KDM5C: variants seen among roughly 807,000 people sequenced by gnomAD.
KDM5C encodes the protein lysine-specific demethylase 5C.
Under a neutral mutation model 110.6 loss-of-function variants are expected in KDM5C, and 16 were observed. The observed-to-expected ratio is 0.14, with a 90% CI of 0.10 to 0.22. The LOEUF is 0.22. KDM5C is among the 10% of genes least tolerant of loss of function. The pLI is 1.00. For synonymous variants in KDM5C, 511 were observed against 520.4 expected (o/e 0.98, Z 0.24); for missense variants, 681 against 1,300.9 (o/e 0.52, Z 7.33).
In KDM5C at chrX:53,192,900, G is replaced by A; in HGVS notation, c.*67C>T. The A allele has an allele frequency of 6.2e-6, 5 of 809,134 alleles. No individual in the cohort carries two copies. Among genetic ancestry groups the A allele is most frequent in the Non-Finnish European group, 6.7e-6 (4 of 601,500 alleles). 66.7% of individuals were successfully genotyped at this position (809,134 alleles called of 1,213,427 possible). On this transcript the variant is annotated 3_prime_UTR_variant, in exon 26 of 26. Coordinates refer to ENST00000375401, the MANE Select transcript of KDM5C (RefSeq NM_004187.5). ...CCACCCCCCAAGAAGCAGGCTTGAT[G>A]GTCAGAAAGAGGATCCTTGAGGCCG...
Position 53,218,253 on chromosome X carries a change from G to A in KDM5C, c.351+23C>T, listed in dbSNP as rs782116812. On this transcript the variant is annotated intron_variant, in intron 3 of 25. Coordinates refer to ENST00000375401, the MANE Select transcript of KDM5C (RefSeq NM_004187.5). ...GATATTGGGGTTTGGTGGGAGGGGTGCTTGACAAAAACCTGTTCTTACTTT... is the reference window on the plus strand; with the variant it reads ...GATATTGGGGTTTGGTGGGAGGGGTACTTGACAAAAACCTGTTCTTACTTT... The A allele has an allele frequency of 5.0e-6, 6 of 1,209,001 alleles. No homozygotes were observed. In the East Asian group the frequency reaches 1.2e-4, roughly 24 times the overall value.
chrX:53,193,387 C>G, intron 25 of KDM5C, 50 bp downstream of exon 25: 1 of 1,211,515 alleles, frequency 8.3e-7, no homozygotes, highest in Non-Finnish European at 1.1e-6. Flanking sequence ...CAGGCCTGGG[C>G]TCCCTACTCG....
rs2146811860 is a variant in KDM5C at position 53,193,118 on chromosome X, A to T, written c.4532T>A (p.Ile1511Asn). ...GGTGCTGGGGCTGCCAGTGGTGGGG[A>T]TGGGTGCAGGGGGGCCCTCACCCCC... ...ETGGEGPPAP[I>N]PTTGSPSTQE... Residue 1511 changes from isoleucine to asparagine, a missense_variant, in exon 26 of 26, where the codon ATC (isoleucine) becomes AAC (asparagine). Physicochemically the swap from Ile to Asn is moderately radical, Grantham distance 149. Transcript: ENST00000375401. The T allele has an allele frequency of 8.3e-7, 1 of 1,209,495 alleles. No individual in the cohort carries two copies. Among genetic ancestry groups the T allele is most frequent in the Non-Finnish European group, 1.1e-6 (1 of 894,695 alleles).
At chrX:53,220,055 A>G (rs146345769) in intron 2 of KDM5C, among the ~76,000 whole-genome samples, 28 of 112,250 alleles carry the variant, frequency 2.5e-4, no homozygotes, top group African/African-American at 8.7e-4. Flanking sequence ...CTTTTAGGGT[A>G]TAAGTATTCA....
chrX:53,219,546 C>T (rs1372356799), intron 2 of KDM5C, among the ~76,000 whole-genome samples: 1 of 112,324 alleles, frequency 8.9e-6, no homozygotes, highest in African/African-American at 3.2e-5. Context: ...CCATAGGCCC[C>T]AAGTCTACAA....
At chrX:53,187,993 C>T (rs1280833135), downstream of KDM5C, among the ~76,000 whole-genome samples, 2 of 110,392 alleles carry the variant, frequency 1.8e-5, no homozygotes, top group East Asian at 2.9e-4. Flanking sequence ...TCGCCCGCCT[C>T]GGCCTCCCAA....
In KDM5C at chrX:53,196,856, T is replaced by G; in HGVS notation, c.2811A>C (p.Thr937=). The change falls in exon 19 of 26, where the codon ACA becomes ACC. Residue 937 remains threonine, a synonymous_variant. Coordinates refer to ENST00000375401, the MANE Select transcript of KDM5C (RefSeq NM_004187.5). Reference sequence around the variant, plus strand: ...TGCCCCTTCGGGCTGAGGGGGCCAGTGTGCGTTTCACCTCATCCAGCCATC... The same window carrying G: ...TGCCCCTTCGGGCTGAGGGGGCCAGGGTGCGTTTCACCTCATCCAGCCATC... ...QARWLDEVKR[T]LAPSARRGTL... is the part of the protein sequence containing the mutation. 8.3e-7 allele frequency: 1 copy of G among 1,207,182 alleles called. No individual in the cohort carries two copies. The highest frequency in any genetic ancestry group is 1.1e-6 in the Non-Finnish European group (1 of 892,857).
At chrX:53,218,943 G>A (rs782129547) in intron 2 of KDM5C, among the ~76,000 whole-genome samples, 51 of 112,072 alleles carry the variant, frequency 4.6e-4, no homozygotes, top group African/African-American at 1.7e-3. Context: ...AATAGAGAGG[G>A]TCACAACTGC....
intron 8 of KDM5C, chrX:53,212,408 C>T (rs868937183): frequency 2.7e-4 from 32 of 119,401 alleles, no homozygotes; most frequent in African/African-American, 1.0e-3. Flanking sequence ...CAGGTTCAAG[C>T]GATTCTCCTG....
chrX:53,214,507 T>C, intron 8 of KDM5C, 182 bp downstream of exon 8: 1 of 485,325 alleles, frequency 2.1e-6, no homozygotes, highest in Non-Finnish European at 3.5e-6. Context: ...TGGGAGCTCT[T>C]AGAGGACAGA....
chrX:53,195,192 G>A lies in KDM5C; in HGVS notation c.3300+39C>T, dbSNP rs781867711. 16 of 1,181,017 alleles carry A rather than the reference G, an allele frequency of 1.4e-5. No homozygotes were observed. The South Asian group carries it at 2.0e-4, about 15-fold the overall frequency. ...AGCCATCTCACAGAAGCCAGGGCAG[G>A]CGTTAAGAGACGCTGTAGGTCAAGG... On this transcript the variant is annotated intron_variant, in intron 21 of 25. Transcript: ENST00000375401.
chrX:53,188,303 AC>A (rs1395695392), downstream of KDM5C, among the ~76,000 whole-genome samples: 3 of 105,510 alleles, frequency 2.8e-5, no homozygotes, highest in South Asian at 4.1e-4. Flanking sequence ...ACCCCCAATG[AC>A]CCCCCGCCTC....
Position 53,201,978 on chromosome X carries a change from AG to A in KDM5C, c.1747-6del, listed in dbSNP as rs782324401. On this transcript the variant is annotated splice_polypyrimidine_tract_variant and splice_region_variant and intron_variant, in intron 12 of 25. Transcript: ENST00000375401. Reference sequence around the variant, plus strand: ...ACACTGGTTTGTGCGGACAACCTGAAGAACACAAAAGGCCATGGCTGTTGAG... The same window carrying A: ...ACACTGGTTTGTGCGGACAACCTGAAAACACAAAAGGCCATGGCTGTTGAG... 5 of 1,211,781 alleles carry A rather than the reference AG, an allele frequency of 4.1e-6. No individual in the cohort carries two copies. The East Asian group carries it at 1.5e-4, about 36-fold the overall frequency.
rs782544959 is a variant in KDM5C, at chrX:53,184,496, C to T, written c.4309-7874G>A. ...GCTTCAAGCAGTCCTCCCACCTCAGCCTCCCAAAGTGCTGGGATCATAAGT... is the reference window on the plus strand; with the variant it reads ...GCTTCAAGCAGTCCTCCCACCTCAGTCTCCCAAAGTGCTGGGATCATAAGT... On this transcript the variant is annotated intron_variant, in intron 25 of 25. Coordinates refer to the KDM5C transcript ENST00000685641. Among the ~76,000 whole-genome samples the T allele has an allele frequency of 5.4e-5, 6 of 111,566 alleles. No homozygotes were observed. In the East Asian group the frequency reaches 1.1e-3, roughly 21 times the overall value.
At position 53,209,013 on chromosome X, in the gene KDM5C, C is replaced by A. The variant is rs191750402; in HGVS notation, c.1746+1401G>T. ...GTATTTTTAGTAGAGACTGGGGTTT[C>A]ACCGTGTCGGCCAAGCTGGTTTTGA... is the stretch of plus-strand genomic sequence containing the variant. On this transcript the variant is annotated intron_variant, in intron 12 of 25. Transcript: ENST00000375401. Among the ~76,000 whole-genome samples, 4 of 108,224 alleles carry A rather than the reference C, an allele frequency of 3.7e-5. No homozygotes were observed. The East Asian group carries it at 1.2e-3, about 32-fold the overall frequency. The allele number at this position is 108,224 out of a possible 115,157, so 94.0% of individuals were successfully genotyped here. A position where few individuals can be genotyped will look rare whatever the true frequency, so the allele number is the denominator to read the frequency against.
At position 53,195,026 on chromosome X, in the gene KDM5C, G is replaced by A. The variant is rs2146826422; in HGVS notation, c.3343C>T (p.Arg1115Cys). The change falls in exon 22 of 26, where the codon CGC becomes TGC. Residue 1115 changes from arginine to cysteine, a missense_variant. Around this residue, in one of 14 missense-constraint regions of KDM5C, gnomAD observed 66 missense variants for 162.9 expected, o/e 0.41. Transcript: ENST00000375401. ...CADAGSDSTK[R>C]SRWMEKELGL... ...AGCTCCTTCTCCATCCACCGGCTGC[G>A]CTTGGTGCTGTCTGAGCCGGCATCT... 3.3e-6 allele frequency: 4 copies of A among 1,208,968 alleles called. No homozygotes were observed. Among genetic ancestry groups the A allele is most frequent in the Non-Finnish European group, 4.5e-6 (4 of 893,927 alleles).
chrX:53,196,833 C>G lies in KDM5C; in HGVS notation c.2834G>C (p.Gly945Ala). 8.3e-7 allele frequency: 1 copy of G among 1,210,141 alleles called. No homozygotes were observed. The highest frequency in any genetic ancestry group is 1.1e-6 in the Non-Finnish European group (1 of 894,313). ...KRTLAPSARR[G>A]TLAVMRGLLV... ...CAGTCCTCGCATGACAGCCAAGGTG[C>G]CCCTTCGGGCTGAGGGGGCCAGTGT... Residue 945 changes from glycine to alanine, a missense_variant, in exon 19 of 26, where the codon GGC becomes GCC. This residue lies in a region of KDM5C where 123 missense variants were observed against 169.0 expected (regional missense o/e 0.73). Coordinates refer to ENST00000375401, the MANE Select transcript of KDM5C (RefSeq NM_004187.5).
intron 25 of KDM5C, among the ~76,000 whole-genome samples, chrX:53,177,015 A>G (rs1034169721): frequency 4.5e-5 from 5 of 111,754 alleles, no homozygotes; most frequent in Non-Finnish European, 9.4e-5. Flanking sequence ...TTGTGAGGCC[A>G]AGATGGAAGG....
rs1602156102 is a variant in KDM5C at position 53,192,681 on chromosome X, AC to A, written c.*285del. On this transcript the variant is annotated 3_prime_UTR_variant, in exon 26 of 26. Transcript: ENST00000375401. ...GAATGGTGATGGCCCAGCCCCAGCC[AC>A]CCCCCTGCCCACCAGCCCATCCATC... 7 of 864,797 alleles carry A rather than the reference AC, an allele frequency of 8.1e-6. No homozygotes were observed. Among genetic ancestry groups the A allele is most frequent in the Non-Finnish European group, 1.1e-5 (7 of 613,481 alleles). 71.3% of individuals were successfully genotyped at this position (864,797 alleles called of 1,213,427 possible).
Sources: gnomAD v4.1 joint callset for allele counts (sites outside exome capture counted in the v4.1 genomes callset) on GRCh38, gnomAD v4.1.1 for gene constraint, gnomAD v4.1.1 regional missense constraint, MANE v1.5 for transcripts, NCBI Gene and HGNC (gene_info 2026-07-23, HGNC 2026-07-21) for gene names.